Variants in ITSN1 observed in about 807,000 individuals in gnomAD.
The protein encoded by ITSN1 is intersectin-1.
Under a neutral mutation model 239.8 loss-of-function variants are expected in ITSN1, and 58 were observed. The observed-to-expected ratio is 0.24, with a 90% confidence interval of 0.20 to 0.30. The LOEUF (loss-of-function observed/expected upper bound fraction) is 0.30. ITSN1 is among the 10% of genes least tolerant of loss of function. The probability of loss-of-function intolerance (pLI) is 1.00; values close to 1 mark genes in which losing one functional copy is unlikely to be tolerated. For missense variants in ITSN1, 1,558 were observed against 2,103.3 expected (o/e 0.74, Z 5.07); for synonymous variants, 780 against 770.8 (o/e 1.01, Z -0.20).
Position 33,772,138 on chromosome 21 carries a change from G to A in ITSN1, c.1120G>A (p.Glu374Lys). The change falls in exon 12 of 40, where the codon GAA becomes AAA. Residue 374 changes from glutamate (E) to lysine (K), a missense_variant. Glu to Lys is a moderately conservative substitution (Grantham distance 56, BLOSUM62 1). Transcript: ENST00000381318. ...ELEKRRQALL[E>K]QQRKEQERLA... ...GGAGAAACGAAGGCAAGCTCTCCTG[G>A]AACAGCAGCGCAAGGAGCAGGAGCG... 1 of 1,614,232 alleles carries A rather than the reference G, an allele frequency of 6.2e-7. No individual in the cohort carries two copies. Among genetic ancestry groups the A allele is most frequent in the Non-Finnish European group, 8.5e-7 (1 of 1,180,050 alleles).
chr21:33,756,287 CAAAA>C (rs923721086), intron 8 of ITSN1, among the ~76,000 whole-genome samples: 4 of 56,770 alleles, frequency 7.0e-5, no homozygotes, highest in East Asian at 5.3e-4. Context: ...GACTCCGTCT[CAAAA>C]AAAAAAAAAA....
Position 33,802,413 on chromosome 21 carries a change from T to G in ITSN1, c.2305-17T>G. 2 of 1,613,060 alleles carry G rather than the reference T, an allele frequency of 1.2e-6. No homozygotes were observed. The highest frequency in any genetic ancestry group is 1.7e-6 in the Non-Finnish European group (2 of 1,179,310). On this transcript the variant is annotated splice_polypyrimidine_tract_variant and intron_variant, in intron 19 of 39. Coordinates refer to ENST00000381318, the MANE Select transcript of ITSN1 (RefSeq NM_003024.3). ...TATATTTTGCCTTGCTTTCAAACCT[T>G]TGCTTTCCTGGTGGAGGTTAAAGGG... is the stretch of plus-strand genomic sequence containing the variant.
chr21:33,730,293 G>A (rs2066092100), intron 4 of ITSN1, among the ~76,000 whole-genome samples: 1 of 149,716 alleles, frequency 6.7e-6, no homozygotes, highest in African/African-American at 2.5e-5. Context: ...TTGGAAAAAA[G>A]CAGGTACATA....
intron 10 of ITSN1, 51 bp from the exon 11 acceptor site, chr21:33,767,662 C>T (rs765386856): frequency 3.9e-6 from 4 of 1,038,722 alleles, no homozygotes; most frequent in Admixed American, 2.1e-5. Flanking sequence ...TGTCCAACTC[C>T]ACCCAGACAG....
intron 24 of ITSN1, among the ~76,000 whole-genome samples, chr21:33,819,546 A>T (rs1569246857): frequency 6.6e-6 from 1 of 152,254 alleles, no homozygotes; most frequent in Non-Finnish European, 1.5e-5. Context: ...ATATTTTATT[A>T]TAAGCCCTTT....
Position 33,865,414 on chromosome 21 carries a change from A to C in ITSN1, c.4074+80A>C. 1.7e-6 allele frequency: 2 copies of C among 1,201,982 alleles called. No individual in the cohort carries two copies. Among genetic ancestry groups the C allele is most frequent in the East Asian group, 2.6e-5 (1 of 38,268 alleles). 74.5% of individuals were successfully genotyped at this position (1,201,982 alleles called of 1,614,324 possible). On this transcript the variant is annotated intron_variant, in intron 32 of 39. Coordinates refer to ENST00000381318, the MANE Select transcript of ITSN1 (RefSeq NM_003024.3). This position sits in a 1 kb window ranked among gnomAD's most constrained non-coding sequence, Gnocchi z 4.4. Reference sequence around the variant, plus strand: ...CTGGATGTGTGAGGGGCTAATTCAAAAGTCTGCAAGAGTGTTCCCACTAGA... The same window carrying C: ...CTGGATGTGTGAGGGGCTAATTCAACAGTCTGCAAGAGTGTTCCCACTAGA...
chr21:33,695,566 T>A (rs2091756540), intron 1 of ITSN1, among the ~76,000 whole-genome samples: 1 of 152,228 alleles, frequency 6.6e-6, no homozygotes, highest in African/African-American at 2.4e-5. Flanking sequence ...CAGTGAAATT[T>A]GAATGTGCAA....
chr21:33,880,808 G>A (rs552922359), intron 34 of ITSN1, among the ~76,000 whole-genome samples: 11 of 152,170 alleles, frequency 7.2e-5, no homozygotes, highest in East Asian at 5.8e-4. Context: ...GGCTGGCCTC[G>A]GACTGGGTCA....
At chr21:33,780,188 GCCATGTGTTTATTAAA>G (rs1229439961) in intron 14 of ITSN1, among the ~76,000 whole-genome samples, 1 of 152,126 alleles carries the variant, frequency 6.6e-6, no homozygotes, top group African/African-American at 2.4e-5. Flanking sequence ...AGGGATGAAG[GCCATGTGTTTATTAAA>G]CTAAGTATTA....
intron 27 of ITSN1, among the ~76,000 whole-genome samples, chr21:33,832,166 C>T (rs893678794): frequency 2.0e-5 from 3 of 152,208 alleles, no homozygotes; most frequent in African/African-American, 7.2e-5. Context: ...GCTCTCCTGC[C>T]TTGCTGCCTT....
intron 16 of ITSN1, among the ~76,000 whole-genome samples, chr21:33,790,249 T>C (rs952626942): frequency 6.6e-6 from 1 of 151,726 alleles, no homozygotes; most frequent in African/African-American, 2.4e-5. Flanking sequence ...TAAATTGTGA[T>C]TTTTTAAAAA....
chr21:33,833,213 T>C (rs928389202), intron 27 of ITSN1, among the ~76,000 whole-genome samples: 2 of 152,182 alleles, frequency 1.3e-5, no homozygotes, highest in African/African-American at 4.8e-5. Context: ...CTACTGTCCC[T>C]TCCTAACAGC....
intron 1 of ITSN1, among the ~76,000 whole-genome samples, chr21:33,675,302 G>C (rs568173673): frequency 6.6e-6 from 1 of 152,264 alleles, no homozygotes; most frequent in East Asian, 1.9e-4. Flanking sequence ...GGTGGCTCAA[G>C]CCTGTAATCC....
intron 20 of ITSN1, 134 bp from the exon 21 acceptor site, chr21:33,810,841 G>T: frequency 9.9e-7 from 1 of 1,011,054 alleles, no homozygotes; most frequent in Non-Finnish European, 1.6e-6. Flanking sequence ...CCAGACACTT[G>T]GACTAAGATG....
intron 6 of ITSN1, among the ~76,000 whole-genome samples, 175 bp from the exon 7 acceptor site, chr21:33,751,635 C>T (rs577748725): frequency 6.6e-6 from 1 of 152,082 alleles, no homozygotes; most frequent in African/African-American, 2.4e-5. Flanking sequence ...AATCTAGAAA[C>T]CTTTTTGGCA....
intron 11 of ITSN1, among the ~76,000 whole-genome samples, chr21:33,771,424 G>C (rs192617355): frequency 1.8e-3 from 278 of 152,204 alleles, no homozygotes; most frequent in Non-Finnish European, 2.7e-3. Context: ...GGACAGTAAG[G>C]GACAAGGATG....
At chr21:33,845,050 G>A (rs2148442525) in intron 29 of ITSN1, among the ~76,000 whole-genome samples, 1 of 152,136 alleles carries the variant, frequency 6.6e-6, no homozygotes, top group South Asian at 2.1e-4. Flanking sequence ...GAGGTACATG[G>A]AACCGGCCTG....
At chr21:33,704,923 TAA>T (rs55966725) in intron 1 of ITSN1, among the ~76,000 whole-genome samples, 21,294 of 93,720 alleles carry the variant, frequency 0.23, 1,996 homozygotes, top group African/African-American at 0.28. Flanking sequence ...CCATCTCTAC[TAA>T]AAAAAAAAAA....
Position 33,882,100 on chromosome 21 carries a change from G to A in ITSN1, c.4342-143G>A, listed in dbSNP as rs1411032000. On this transcript the variant is annotated intron_variant, in intron 34 of 39. Transcript: ENST00000381318. The surrounding 1 kb of genome is among the most constrained non-coding windows in gnomAD (Gnocchi z 4.5). ...GCCTTTGTCTGACTTTGATCTCTTGGCTCCAAAGTCTTCAAAGCTATCCTT... is the reference window on the plus strand; with the variant it reads ...GCCTTTGTCTGACTTTGATCTCTTGACTCCAAAGTCTTCAAAGCTATCCTT... 2 of 663,428 alleles carry A rather than the reference G, an allele frequency of 3.0e-6. No homozygotes were observed. Among genetic ancestry groups the A allele is most frequent in the Non-Finnish European group, 5.1e-6 (2 of 390,568 alleles). 41.1% of individuals were successfully genotyped at this position (663,428 alleles called of 1,614,324 possible). A position where few individuals can be genotyped will look rare whatever the true frequency, so the allele number is the denominator to read the frequency against.
Sources: allele counts gnomAD v4.1 joint callset (sites outside exome capture counted in the v4.1 genomes callset), GRCh38; gene constraint gnomAD v4.1.1; non-coding constraint Gnocchi (gnomAD v3.1); transcripts MANE v1.5; gene names NCBI Gene and HGNC (gene_info 2026-07-23, HGNC 2026-07-21).